The following ITGA8 variants were observed in gnomAD, a reference collection of about 807,000 sequenced individuals.
ITGA8 encodes integrin subunit alpha 8, also known as integrin alpha-8.
A neutral mutation model predicts 142.3 loss-of-function variants in ITGA8; 91 were observed. That is an observed-to-expected ratio of 0.64 (90% CI 0.54 to 0.76). The LOEUF (loss-of-function observed/expected upper bound fraction) is 0.76. Ranked by LOEUF, ITGA8 falls within the 30% of genes least tolerant of loss-of-function variation. ITGA8 has a pLI of 0.00. For synonymous variants in ITGA8, 505 were observed against 485.2 expected, an observed-to-expected ratio of 1.04 and a Z score of -0.54; for missense variants, 1,406 against 1,327.7, an observed-to-expected ratio of 1.06 and a Z score of -0.92.
intron 13 of ITGA8, among the ~76,000 whole-genome samples, chr10:15,618,553 G>T (rs890669223): frequency 1.3e-5 from 2 of 152,184 alleles, no homozygotes; most frequent in African/African-American, 4.8e-5. Context: ...GTCTGTGAGG[G>T]TGTTGCCAAA....
chr10:15,671,149 T>C (rs1834508423), intron 8 of ITGA8, among the ~76,000 whole-genome samples: 1 of 152,252 alleles, frequency 6.6e-6, no homozygotes, highest in Admixed American at 6.5e-5. Context: ...AGATAGGGAT[T>C]CGTTTGTTTT....
chr10:15,663,259 T>C (rs770390957), intron 8 of ITGA8, among the ~76,000 whole-genome samples: 1 of 152,212 alleles, frequency 6.6e-6, no homozygotes, highest in East Asian at 1.9e-4. Context: ...ATTTTAGATA[T>C]CCTCAAAACA....
At chr10:15,616,663 T>C (rs998975550) in intron 13 of ITGA8, 104 bp from the exon 14 acceptor site, 2 of 881,116 alleles carry the variant, frequency 2.3e-6, no homozygotes, top group East Asian at 2.5e-5. Context: ...ATGCTGATGG[T>C]ACGAGAGCCA....
chr10:15,584,094 C>T (rs756602708), intron 23 of ITGA8, among the ~76,000 whole-genome samples: 8 of 152,208 alleles, frequency 5.3e-5, no homozygotes, highest in South Asian at 2.1e-4. Flanking sequence ...GTACAGAGTT[C>T]GAGACCAGCC....
intron 2 of ITGA8, among the ~76,000 whole-genome samples, chr10:15,715,648 C>T (rs1384631800): frequency 6.6e-6 from 1 of 152,192 alleles, no homozygotes; most frequent in Non-Finnish European, 1.5e-5. Flanking sequence ...TACATAGTAG[C>T]GATCTGTAAA....
chr10:15,534,479 T>A (rs1173681837), intron 27 of ITGA8, among the ~76,000 whole-genome samples: 1 of 152,234 alleles, frequency 6.6e-6, no homozygotes, highest in African/African-American at 2.4e-5. Context: ...GCTTGCTTAA[T>A]CAATACTGGA....
rs115593762 is a variant in ITGA8, at chr10:15,541,626, G to T, written c.2880+6829C>A. ...GGCCTGAGATGTTTCATTCATTAAA[G>T]CATTATGAGTAGTATCCTGTGTCAG... On this transcript the variant is annotated intron_variant, in intron 27 of 29. Transcript: ENST00000378076. Among the ~76,000 whole-genome samples the T allele has an allele frequency of 6.6e-3, 1,010 of 152,284 alleles. 12 individuals are homozygous for T. The highest frequency in any genetic ancestry group is 0.023 in the African/African-American group (937 of 41,558).
intron 27 of ITGA8, among the ~76,000 whole-genome samples, chr10:15,546,836 G>A (rs974838920): frequency 6.7e-6 from 1 of 149,552 alleles, no homozygotes; most frequent in African/African-American, 2.5e-5. Flanking sequence ...GGGAGGGAAG[G>A]AAAGGGAAGG....
At chr10:15,709,826 T>C (rs1835331222) in intron 2 of ITGA8, among the ~76,000 whole-genome samples, 1 of 152,212 alleles carries the variant, frequency 6.6e-6, no homozygotes, top group African/African-American at 2.4e-5. Context: ...AGGTGAGACT[T>C]ACACTGTATC....
chr10:15,577,526 A>C (rs778516180), intron 23 of ITGA8, among the ~76,000 whole-genome samples: 14 of 152,300 alleles, frequency 9.2e-5, no homozygotes, highest in South Asian at 2.1e-4. Flanking sequence ...AAAATCAAAT[A>C]GAAGTCTATG....
chr10:15,529,424 C>T (rs1833247268), intron 28 of ITGA8, among the ~76,000 whole-genome samples: 1 of 152,176 alleles, frequency 6.6e-6, no homozygotes, highest in Non-Finnish European at 1.5e-5. Flanking sequence ...CCAAAGGTTT[C>T]CTAATTAGAG....
At chr10:15,644,814 C>T in intron 12 of ITGA8, among the ~76,000 whole-genome samples, 1 of 151,714 alleles carries the variant, frequency 6.6e-6, no homozygotes, top group East Asian at 1.9e-4. Context: ...GCCTCCAGGG[C>T]CTGGCGCGGT....
intron 25 of ITGA8, among the ~76,000 whole-genome samples, chr10:15,559,754 A>G (rs1833942792): frequency 6.9e-6 from 1 of 144,024 alleles, no homozygotes. Flanking sequence ...GTTCTCACTT[A>G]TAAGTGGGAG....
At chr10:15,662,964 A>C (rs147490556) in intron 8 of ITGA8, among the ~76,000 whole-genome samples, 1 of 152,316 alleles carries the variant, frequency 6.6e-6, no homozygotes, top group Non-Finnish European at 1.5e-5. Flanking sequence ...ACGTGTATGA[A>C]AATTGGAAGA....
intron 20 of ITGA8, among the ~76,000 whole-genome samples, 162 bp downstream of exon 20, chr10:15,604,046 C>T (rs1254999655): frequency 1.3e-5 from 2 of 152,076 alleles, no homozygotes; most frequent in Non-Finnish European, 2.9e-5. Flanking sequence ...GTAAGCCCAC[C>T]CCTGCTTTGT....
intron 28 of ITGA8, among the ~76,000 whole-genome samples, chr10:15,525,555 T>A (rs1833156527): frequency 7.2e-6 from 1 of 139,132 alleles, no homozygotes; most frequent in African/African-American, 2.7e-5. Context: ...GGTAGGAGAA[T>A]CACTTGAACC....
At chr10:15,533,746 A>G (rs1431945362) in intron 27 of ITGA8, among the ~76,000 whole-genome samples, 1 of 152,238 alleles carries the variant, frequency 6.6e-6, no homozygotes, top group African/African-American at 2.4e-5. Context: ...CTGCATTTAT[A>G]AATGCGAAAG....
At chr10:15,695,542 AATGAAACT>A (rs1361779280) in intron 2 of ITGA8, among the ~76,000 whole-genome samples, 3 of 152,196 alleles carry the variant, frequency 2.0e-5, no homozygotes, top group Non-Finnish European at 4.4e-5. Context: ...CCTAGTGCTC[AATGAAACT>A]ATGATGCATG....
At position 15,719,836 on chromosome 10, in the gene ITGA8, G is replaced by T; in HGVS notation, c.-65C>A. The T allele has an allele frequency of 8.5e-7, 1 of 1,181,872 alleles. No homozygotes were observed. The highest frequency in any genetic ancestry group is 1.1e-6 in the Non-Finnish European group (1 of 924,420). 73.2% of individuals were successfully genotyped at this position (1,181,872 alleles called of 1,614,324 possible). On this transcript the variant is annotated 5_prime_UTR_variant, in exon 1 of 30. Transcript: ENST00000378076. ...GAGCCGAGGACCCCTGCGGGGCAAG[G>T]GGGGCTGGTGGAATCTGGCGGTCCC...
Sources: gnomAD v4.1 joint callset for allele counts (sites outside exome capture counted in the v4.1 genomes callset) on GRCh38, gnomAD v4.1.1 for gene constraint, MANE v1.5 for transcripts, NCBI Gene and HGNC (gene_info 2026-07-23, HGNC 2026-07-21) for gene names.